Variants in PROCR observed in about 807,000 individuals in gnomAD.
PROCR encodes the protein endothelial protein C receptor.
In PROCR, 22 loss-of-function variants were observed where a neutral mutation model predicts 24.2. That is an observed-to-expected ratio of 0.91 (90% CI 0.65 to 1.30). The LOEUF (loss-of-function observed/expected upper bound fraction) is 1.30, where lower values mean the gene tolerates loss of function less well. Ranked by LOEUF, PROCR falls within the 50% of genes most tolerant of loss-of-function variation. The pLI is 0.00. For synonymous variants in PROCR, 137 were observed against 139.2 expected, an observed-to-expected ratio of 0.98 and a Z score of 0.11; for missense variants, 288 against 307.7, an observed-to-expected ratio of 0.94 and a Z score of 0.48.
intron 1 of PROCR, among the ~76,000 whole-genome samples, chr20:35,193,504 T>G (rs1429391087): frequency 6.6e-6 from 1 of 152,236 alleles, no homozygotes; most frequent in Non-Finnish European, 1.5e-5. Context: ...ATGCTGGCTA[T>G]ATCAATAGGC....
chr20:35,175,578 C>CCTTTTTT (rs2086005872), intron 2 of PROCR, among the ~76,000 whole-genome samples: 1 of 27,940 alleles, frequency 3.6e-5, no homozygotes, highest in Non-Finnish European at 5.7e-5. Flanking sequence ...CCCCACCCCC[C>CCTTTTTT]TTTTTTTTTT....
chr20:35,208,932 A>G (rs1222441418), intron 1 of PROCR, among the ~76,000 whole-genome samples: 1 of 152,206 alleles, frequency 6.6e-6, no homozygotes, highest in African/African-American at 2.4e-5. Flanking sequence ...AGATCACACC[A>G]CTGCACTCCA....
At chr20:35,197,564 C>G (rs2060302475) in intron 1 of PROCR, among the ~76,000 whole-genome samples, 1 of 152,070 alleles carries the variant, frequency 6.6e-6, no homozygotes, top group Non-Finnish European at 1.5e-5. Context: ...TGGCTCATGC[C>G]TGTAATCCCA....
downstream of PROCR, among the ~76,000 whole-genome samples, chr20:35,179,629 C>A (rs2086059881): frequency 6.6e-6 from 1 of 152,100 alleles, no homozygotes; most frequent in South Asian, 2.1e-4. Flanking sequence ...TTAAAATCAT[C>A]TCTACCTTAA....
At chr20:35,201,881 A>G (rs2060319507) in intron 1 of PROCR, 1 of 152,208 alleles carries the variant, frequency 6.6e-6, no homozygotes, top group South Asian at 2.1e-4. Flanking sequence ...GAAATATAAT[A>G]TGCAACTAAC....
chr20:35,193,929 C>T (rs2086194694), intron 1 of PROCR, among the ~76,000 whole-genome samples: 1 of 152,088 alleles, frequency 6.6e-6, no homozygotes, highest in Non-Finnish European at 1.5e-5. Flanking sequence ...CTGAGGACGC[C>T]CCAACATTTA....
At chr20:35,183,620 G>C (rs1017068841) in intron 1 of PROCR, among the ~76,000 whole-genome samples, 1 of 152,110 alleles carries the variant, frequency 6.6e-6, no homozygotes, top group African/African-American at 2.4e-5. Context: ...ATCAGAGCTA[G>C]GATTCAAACC....
At chr20:35,187,572 T>G (rs1449253523) in intron 1 of PROCR, among the ~76,000 whole-genome samples, 1 of 152,138 alleles carries the variant, frequency 6.6e-6, no homozygotes, top group African/African-American at 2.4e-5. Flanking sequence ...CTCTGAAAAT[T>G]TTTGCCCATG....
At chr20:35,179,041 C>CT (rs1054161918), downstream of PROCR, among the ~76,000 whole-genome samples, 4 of 148,912 alleles carry the variant, frequency 2.7e-5, no homozygotes, top group Non-Finnish European at 4.5e-5. Flanking sequence ...ACCATCCTGA[C>CT]TAACACAGTG....
chr20:35,186,880 G>T (rs1269441948), intron 1 of PROCR, among the ~76,000 whole-genome samples: 1 of 151,734 alleles, frequency 6.6e-6, no homozygotes, highest in Non-Finnish European at 1.5e-5. Flanking sequence ...GTGAACCTGG[G>T]AGGCGGAGGT....
At chr20:35,193,409 C>G (rs773828825) in intron 1 of PROCR, among the ~76,000 whole-genome samples, 1 of 152,130 alleles carries the variant, frequency 6.6e-6, no homozygotes, top group Non-Finnish European at 1.5e-5. Flanking sequence ...CTCTTGACCT[C>G]GTGATCTGCC....
intron 1 of PROCR, among the ~76,000 whole-genome samples, chr20:35,173,547 A>G (rs1014434989): frequency 3.4e-5 from 5 of 147,026 alleles, no homozygotes; most frequent in African/African-American, 1.3e-4. Context: ...CTCCTGCCTC[A>G]GCCTCCTGAG....
At chr20:35,201,504 A>G (rs1056410500) in intron 1 of PROCR, among the ~76,000 whole-genome samples, 3 of 152,188 alleles carry the variant, frequency 2.0e-5, no homozygotes, top group African/African-American at 7.2e-5. Context: ...CCTGGCCAAC[A>G]TGGTGAAACC....
upstream of PROCR, among the ~76,000 whole-genome samples, chr20:35,171,786 C>T (rs1600731326): frequency 6.6e-6 from 1 of 152,138 alleles, no homozygotes; most frequent in Non-Finnish European, 1.5e-5. Flanking sequence ...AGTAGATGCC[C>T]CACCCCCTGA....
At chr20:35,178,041 C>T (rs1359281760), downstream of PROCR, among the ~76,000 whole-genome samples, 1 of 152,020 alleles carries the variant, frequency 6.6e-6, no homozygotes, top group African/African-American at 2.4e-5. Context: ...ACCTACTGAC[C>T]TTCATGGCTG....
Position 35,176,404 on chromosome 20 carries a change from G to C in PROCR, c.559G>C (p.Val187Leu), listed in dbSNP as rs61731003. The C allele has an allele frequency of 1.6e-4, 266 of 1,614,086 alleles. No individual in the cohort carries two copies. The highest frequency in any genetic ancestry group is 2.2e-4 in the Non-Finnish European group (258 of 1,180,038). Residue 187 changes from valine to leucine, a missense_variant, in exon 3 of 4, where the codon GTG (valine) becomes CTG (leucine). Physicochemically the swap from Val to Leu is conservative, Grantham distance 32. Coordinates refer to ENST00000216968, the MANE Select transcript of PROCR (RefSeq NM_006404.5). Reference protein sequence around the residue: ...ELREFLEDTCVQYVQKHISAE... With the variant: ...ELREFLEDTCLQYVQKHISAE... The stretch of plus-strand genomic sequence containing the variant: ...GCGGGAATTCCTGGAGGACACCTGT[G>C]TGCAGTATGTGCAGAAACATATTTC...
chr20:35,184,814 C>T (rs1044931218), intron 1 of PROCR, among the ~76,000 whole-genome samples: 1 of 151,960 alleles, frequency 6.6e-6, no homozygotes, highest in Non-Finnish European at 1.5e-5. Context: ...ATTGGCTTAG[C>T]CAAAGATTTC....
chr20:35,178,428 A>AG (rs1391199447), downstream of PROCR, among the ~76,000 whole-genome samples: 16 of 147,776 alleles, frequency 1.1e-4, no homozygotes, highest in East Asian at 2.3e-3. Flanking sequence ...AAAAAAAAAA[A>AG]AAAAAAAAGA....
intron 1 of PROCR, among the ~76,000 whole-genome samples, chr20:35,194,767 A>G: frequency 9.2e-6 from 1 of 108,860 alleles, no homozygotes. Flanking sequence ...AGACTCTGAA[A>G]ATGAACTGAC....
Sources: gnomAD v4.1 joint callset for allele counts (sites outside exome capture counted in the v4.1 genomes callset) on GRCh38, gnomAD v4.1.1 for gene constraint, MANE v1.5 for transcripts, NCBI Gene and HGNC (gene_info 2026-07-23, HGNC 2026-07-21) for gene names.